Variants in NRCAM observed in about 807,000 individuals in gnomAD.
The protein encoded by NRCAM is neuronal cell adhesion molecule.
NRCAM carries 83 observed loss-of-function variants against 156.5 expected under a neutral mutation model. The ratio of observed to expected loss-of-function variants is 0.53; its 90% CI spans 0.44 to 0.64. The LOEUF is 0.64. Ranked by LOEUF, NRCAM falls within the 30% of genes least tolerant of loss-of-function variation. The pLI is 0.00. For missense variants in NRCAM, 1,417 were observed against 1,597.3 expected (o/e 0.89, Z 1.92); for synonymous variants, 538 against 563.9 (o/e 0.95, Z 0.65).
chr7:108,392,352 A>T (rs1458275710), intron 2 of NRCAM, among the ~76,000 whole-genome samples: 2 of 152,092 alleles, frequency 1.3e-5, no homozygotes, highest in Non-Finnish European at 2.9e-5. Flanking sequence ...CCTTTCTTAC[A>T]GTTGATCAAA....
chr7:108,285,938 C>T (rs535538391), intron 3 of NRCAM, among the ~76,000 whole-genome samples: 2 of 152,298 alleles, frequency 1.3e-5, no homozygotes, highest in Admixed American at 6.5e-5. Context: ...TTAAAATGCA[C>T]ATATGTTTCA....
intron 3 of NRCAM, among the ~76,000 whole-genome samples, chr7:108,305,606 A>C (rs1201299543): frequency 6.6e-6 from 1 of 151,974 alleles, no homozygotes; most frequent in South Asian, 2.1e-4. Flanking sequence ...TGTTCCTCCT[A>C]TGGCCTTTCC....
intron 5 of NRCAM, among the ~76,000 whole-genome samples, chr7:108,236,163 G>C (rs563671647): frequency 6.6e-6 from 1 of 152,242 alleles, no homozygotes; most frequent in East Asian, 1.9e-4. Flanking sequence ...ATTGTTGCTA[G>C]AGCTAAATGT....
At chr7:108,354,238 C>T (rs2099460600) in intron 2 of NRCAM, among the ~76,000 whole-genome samples, 2 of 152,070 alleles carry the variant, frequency 1.3e-5, no homozygotes, top group Admixed American at 1.3e-4. Context: ...AGCAATTCAC[C>T]ATACAAAAGA....
intron 26 of NRCAM, among the ~76,000 whole-genome samples, chr7:108,177,638 T>TG (rs1563271988): frequency 0.2 from 4,666 of 23,386 alleles, 305 homozygotes; most frequent in African/African-American, 0.36. Flanking sequence ...TATATATATA[T>TG]ATATATATAT....
intron 3 of NRCAM, among the ~76,000 whole-genome samples, chr7:108,292,762 T>A (rs760830284): frequency 2.6e-5 from 4 of 152,046 alleles, no homozygotes; most frequent in African/African-American, 7.2e-5. Context: ...TTTAAGTGAG[T>A]CAGTGGAAAG....
intron 2 of NRCAM, among the ~76,000 whole-genome samples, chr7:108,335,434 C>CTTTTTTTTTTTTTTTT (rs58975301): frequency 2.4e-4 from 17 of 69,876 alleles, no homozygotes; most frequent in East Asian, 1.0e-3. Flanking sequence ...GTTCCACCTG[C>CTTTTTTTTTTTTTTTT]TTTTTTTTTT....
intron 3 of NRCAM, among the ~76,000 whole-genome samples, chr7:108,280,217 C>A (rs2154084509): frequency 6.6e-6 from 1 of 152,328 alleles, no homozygotes; most frequent in Middle Eastern, 3.4e-3. Flanking sequence ...AATTATTCTT[C>A]CCAACAGGCG....
intron 1 of NRCAM, among the ~76,000 whole-genome samples, chr7:108,446,964 A>C (rs1844986883): frequency 1.3e-5 from 2 of 151,944 alleles, no homozygotes; most frequent in African/African-American, 4.8e-5. Flanking sequence ...TCCCGACCTC[A>C]AGTGATCTGC....
intron 7 of NRCAM, among the ~76,000 whole-genome samples, chr7:108,231,468 C>T (rs1048198953): frequency 6.6e-6 from 1 of 152,046 alleles, no homozygotes; most frequent in South Asian, 2.1e-4. Context: ...GAATGGAAAA[C>T]ATTTAAATGT....
intron 3 of NRCAM, among the ~76,000 whole-genome samples, chr7:108,293,090 T>A (rs2098352480): frequency 6.6e-6 from 1 of 152,134 alleles, no homozygotes; most frequent in African/African-American, 2.4e-5. Flanking sequence ...CGGGGGTCAA[T>A]GCAGTGGAAC....
intron 32 of NRCAM, among the ~76,000 whole-genome samples, chr7:108,158,200 C>G (rs534388232): frequency 6.6e-6 from 1 of 152,142 alleles, no homozygotes; most frequent in South Asian, 2.1e-4. Flanking sequence ...GCTCCAGAAC[C>G]AACTTCTGAC....
chr7:108,288,109 C>T (rs1286273977), intron 3 of NRCAM, among the ~76,000 whole-genome samples: 1 of 152,042 alleles, frequency 6.6e-6, no homozygotes, highest in Non-Finnish European at 1.5e-5. Context: ...GAACTAGAGA[C>T]CATTATCCTT....
chr7:108,225,320 CA>C (rs2093257600), intron 10 of NRCAM, among the ~76,000 whole-genome samples: 1 of 152,110 alleles, frequency 6.6e-6, no homozygotes, highest in African/African-American at 2.4e-5. Context: ...ACTTAGTTCA[CA>C]AGAAAAGTTT....
rs768920882 is a variant in NRCAM at position 108,159,425 on chromosome 7, G to A, written c.3677+38C>T. On this transcript the variant is annotated intron_variant, in intron 32 of 32. Transcript: ENST00000379028. ...TCTATTCTCGGGACTGTGTTCATGT[G>A]GGCAGAGAAGATGAAGAGCAGAGAA... 3.9e-6 allele frequency: 6 copies of A among 1,534,056 alleles called. No individual in the cohort carries two copies. The South Asian group carries it at 5.6e-5, about 14-fold the overall frequency.
At chr7:108,166,355 C>T (rs2054226407) in intron 30 of NRCAM, among the ~76,000 whole-genome samples, 1 of 150,498 alleles carries the variant, frequency 6.6e-6, no homozygotes. Context: ...TCAAGTGATT[C>T]TCCTGCCTCA....
In NRCAM at chr7:108,286,133, C is replaced by T. The variant is rs1324180415; in HGVS notation, c.-107+26532G>A. Among the ~76,000 whole-genome samples, 6 of 152,090 alleles carry T rather than the reference C, an allele frequency of 3.9e-5. No individual in the cohort carries two copies. The South Asian group carries it at 6.2e-4, about 16-fold the overall frequency. ...TCCAGTAAAACTTTATTTATGGTCA[C>T]AGAAATTTGAATTTCATGTAATTTT... On this transcript the variant is annotated intron_variant, in intron 3 of 32. Coordinates refer to ENST00000379028, the MANE Select transcript of NRCAM (RefSeq NM_001037132.4).
At chr7:108,428,422 T>G (rs1338844105) in intron 1 of NRCAM, among the ~76,000 whole-genome samples, 6 of 152,240 alleles carry the variant, frequency 3.9e-5, no homozygotes, top group Admixed American at 2.0e-4. Context: ...AGGAAAAGCA[T>G]GGAGACCAAC....
At chr7:108,417,453 G>A (rs1803023121) in intron 1 of NRCAM, among the ~76,000 whole-genome samples, 1 of 152,170 alleles carries the variant, frequency 6.6e-6, no homozygotes. Flanking sequence ...CTACCTATAA[G>A]GGTGGAGCCC....
Sources: allele counts gnomAD v4.1 joint callset (sites outside exome capture counted in the v4.1 genomes callset), GRCh38; gene constraint gnomAD v4.1.1; transcripts MANE v1.5; gene names NCBI Gene and HGNC (gene_info 2026-07-23, HGNC 2026-07-21).